Variants in SEC24B observed in about 807,000 individuals in gnomAD.
SEC24B encodes protein transport protein Sec24B.
SEC24B carries 45 observed loss-of-function variants against 142.8 expected under a neutral mutation model. The observed-to-expected ratio is 0.32, with a 90% CI of 0.25 to 0.40. The LOEUF (loss-of-function observed/expected upper bound fraction) is 0.40, where lower values mean the gene tolerates loss of function less well. Ranked by LOEUF, SEC24B falls within the 10% of genes least tolerant of loss-of-function variation. SEC24B has a pLI of 1.00. For synonymous variants in SEC24B, 574 were observed against 568.2 expected (o/e 1.01, Z -0.15); for missense variants, 1,409 against 1,526.8 (o/e 0.92, Z 1.29).
rs182397524 is a variant in SEC24B at position 109,500,697 on chromosome 4, G to T, written c.1489-5631G>T. On this transcript the variant is annotated intron_variant, in intron 6 of 23. Coordinates refer to ENST00000265175, the MANE Select transcript of SEC24B (RefSeq NM_006323.5). The stretch of plus-strand genomic sequence containing the variant: ...TCCGGAGTCTCCTTCTGTCACCCAG[G>T]CTAGAGTGCAGTGGCACAATCTTGG... 7.9e-5 allele frequency among the ~76,000 whole-genome samples: 12 copies of T among 152,112 alleles called. No individual in the cohort carries two copies. In the East Asian group the frequency reaches 2.1e-3, roughly 27 times the overall value.
rs139995957 is a variant in SEC24B at position 109,538,260 on chromosome 4, T to C, written c.3589-233T>C. 2.6e-3 allele frequency among the ~76,000 whole-genome samples: 401 copies of C among 152,344 alleles called. 1 individual carries two copies. The highest frequency in any genetic ancestry group is 9.1e-3 in the African/African-American group (377 of 41,586). On this transcript the variant is annotated intron_variant, in intron 22 of 23. Transcript: ENST00000265175. ...TTTTATTGACTTACCAAGAAAAATA[T>C]AGTCAGTTAAAATGTCAGTGACATA...
chr4:109,523,425 A>C (rs1337224654), intron 14 of SEC24B, among the ~76,000 whole-genome samples: 1 of 151,922 alleles, frequency 6.6e-6, no homozygotes, highest in African/African-American at 2.4e-5. Flanking sequence ...AGCTGTGATC[A>C]CTGCCACTGC....
Position 109,520,361 on chromosome 4 carries a change from T to C in SEC24B, c.2127-5T>C. On this transcript the variant is annotated splice_polypyrimidine_tract_variant and splice_region_variant and intron_variant, in intron 11 of 23. Transcript: ENST00000265175. ...TGAATTTAAAATTGTCATTTTTATC[T>C]TTAGGCTTCCTGGAGATTCACGAAC... 6.4e-7 allele frequency: 1 copy of C among 1,554,236 alleles called. No homozygotes were observed. Among genetic ancestry groups the C allele is most frequent in the East Asian group, 2.2e-5 (1 of 44,460 alleles).
At chr4:109,485,458 A>G (rs1449330531) in intron 4 of SEC24B, among the ~76,000 whole-genome samples, 2 of 152,168 alleles carry the variant, frequency 1.3e-5, no homozygotes, top group Non-Finnish European at 2.9e-5. Flanking sequence ...GGTGGGAGTA[A>G]AGGGCACATG....
chr4:109,518,803 CTTTTTTT>C (rs770507485), intron 11 of SEC24B, among the ~76,000 whole-genome samples: 1 of 117,888 alleles, frequency 8.5e-6, no homozygotes, highest in Admixed American at 8.5e-5. Context: ...ATGTTTCTGT[CTTTTTTT>C]TTTTTTTTTT....
At chr4:109,457,815 T>C (rs1378940624) in intron 1 of SEC24B, among the ~76,000 whole-genome samples, 1 of 152,242 alleles carries the variant, frequency 6.6e-6, no homozygotes, top group Non-Finnish European at 1.5e-5. Context: ...TCTGTATGTA[T>C]ATTTTATAAA....
chr4:109,434,627 C>T (rs1728222142), intron 1 of SEC24B, among the ~76,000 whole-genome samples: 1 of 152,324 alleles, frequency 6.6e-6, no homozygotes, highest in Non-Finnish European at 1.5e-5. Flanking sequence ...CCAGTTCGGC[C>T]TCAAGAACTG....
Position 109,463,179 on chromosome 4 carries a change from G to C in SEC24B, c.412G>C (p.Ala138Pro). ...CACTCTAGGATCTTTCCAAGGTGCT[G>C]CATCGTCAGCATCCCATTTGCATAC... ...GSTLGSFQGA[A>P]SSASHLHTSA... Residue 138 changes from alanine (A) to proline (P), a missense_variant, in exon 2 of 24, where the codon GCA becomes CCA. By Grantham distance (27) the Ala-to-Pro change is conservative. This residue lies in a region of SEC24B where 709 missense variants were observed against 673.5 expected (regional missense o/e 1.05). Coordinates refer to ENST00000265175, the MANE Select transcript of SEC24B (RefSeq NM_006323.5). The C allele has an allele frequency of 6.2e-7, 1 of 1,614,160 alleles. No individual in the cohort carries two copies. The highest frequency in any genetic ancestry group is 8.5e-7 in the Non-Finnish European group (1 of 1,180,020).
intron 23 of SEC24B, among the ~76,000 whole-genome samples, 179 bp downstream of exon 23, chr4:109,538,775 TTTTC>T (rs1374600388): frequency 1.3e-5 from 2 of 152,046 alleles, no homozygotes; most frequent in Admixed American, 1.3e-4. Context: ...TAATTTTTAA[TTTTC>T]TTTCTTTCTT....
In SEC24B at chr4:109,540,309, CTT is replaced by C. The variant is rs1025506260; in HGVS notation, c.*638_*639del. ...TGTGCTGCATTGTTGGATGACAACT[CTT>C]TTTGTCACAGTTAGAGAATGAGGTT... On this transcript the variant is annotated 3_prime_UTR_variant, in exon 24 of 24. Coordinates refer to ENST00000265175, the MANE Select transcript of SEC24B (RefSeq NM_006323.5). 5.9e-5 allele frequency: 9 copies of C among 152,544 alleles called. No homozygotes were observed. Among genetic ancestry groups the C allele is most frequent in the African/African-American group, 4.8e-5 (2 of 41,394 alleles). 9.4% of individuals were successfully genotyped at this position (152,544 alleles called of 1,614,324 possible).
intron 7 of SEC24B, among the ~76,000 whole-genome samples, chr4:109,509,476 G>A (rs1737069548): frequency 6.6e-6 from 1 of 152,076 alleles, no homozygotes; most frequent in Admixed American, 6.6e-5. Flanking sequence ...AGGAGATCGA[G>A]ACCATCCTGG....
chr4:109,504,092 T>C (rs761030634), intron 6 of SEC24B, among the ~76,000 whole-genome samples: 3 of 152,158 alleles, frequency 2.0e-5, no homozygotes, highest in Non-Finnish European at 2.9e-5. Context: ...ATCACCACCT[T>C]CAGTTACTGT....
At chr4:109,512,177 T>A in intron 9 of SEC24B, 94 bp downstream of exon 9, 1 of 1,156,890 alleles carries the variant, frequency 8.6e-7, no homozygotes, top group Non-Finnish European at 1.2e-6. Context: ...TTCATTGCTT[T>A]AAAAAGAATT....
chr4:109,450,019 A>G (rs1040982645), intron 1 of SEC24B, among the ~76,000 whole-genome samples: 5 of 152,042 alleles, frequency 3.3e-5, no homozygotes, highest in Non-Finnish European at 7.4e-5. Flanking sequence ...GTTCGAGACC[A>G]GCCTGGCTAA....
At chr4:109,516,496 C>A in intron 10 of SEC24B, 32 bp from the exon 11 acceptor site, 1 of 1,323,538 alleles carries the variant, frequency 7.6e-7, no homozygotes, top group Non-Finnish European at 1.1e-6. Flanking sequence ...TTGTACCTAC[C>A]AAATAACTTA....
At chr4:109,469,760 A>G (rs967459699) in intron 2 of SEC24B, among the ~76,000 whole-genome samples, 1 of 152,242 alleles carries the variant, frequency 6.6e-6, no homozygotes, top group African/African-American at 2.4e-5. Flanking sequence ...GACAATGCAC[A>G]TAATGCTAGC....
chr4:109,509,902 C>A, intron 7 of SEC24B, 107 bp from the exon 8 acceptor site: 1 of 606,586 alleles, frequency 1.6e-6, no homozygotes, highest in East Asian at 3.1e-5. Flanking sequence ...AGTAACATGC[C>A]CAAATGATTT....
In SEC24B at chr4:109,502,412, T is replaced by C. The variant is rs1736242248; in HGVS notation, c.1489-3916T>C. On this transcript the variant is annotated intron_variant, in intron 6 of 23. Transcript: ENST00000265175. ...GATAGGAGTATTTGAAAAGACAAAA[T>C]GGAAACAGAGAGACAAATTGAAGTT... Among the ~76,000 whole-genome samples the C allele has an allele frequency of 2.0e-5, 3 of 152,174 alleles. No homozygotes were observed. The South Asian group carries it at 6.2e-4, about 31-fold the overall frequency.
chr4:109,509,946 ATCTAC>A, intron 7 of SEC24B, 58 bp from the exon 8 acceptor site: 1 of 959,030 alleles, frequency 1.0e-6, no homozygotes, highest in Non-Finnish European at 1.6e-6. Context: ...TAGTTATCTT[ATCTAC>A]TTCAGTGTAT....
Sources: allele counts gnomAD v4.1 joint callset (sites outside exome capture counted in the v4.1 genomes callset), GRCh38; gene constraint gnomAD v4.1.1; regional missense constraint gnomAD v4.1.1; transcripts MANE v1.5; gene names NCBI Gene and HGNC (gene_info 2026-07-23, HGNC 2026-07-21).